SLC9C2: variants seen among roughly 807,000 people sequenced by gnomAD.
SLC9C2 encodes solute carrier family 9 member C2 (putative).
A neutral mutation model predicts 140.2 loss-of-function variants in SLC9C2; 75 were observed. The observed-to-expected ratio is 0.53, with a 90% confidence interval of 0.44 to 0.65. SLC9C2 has a LOEUF of 0.65. SLC9C2 is among the 30% of genes least tolerant of loss of function. The probability of loss-of-function intolerance (pLI) is 0.00; values close to 1 mark genes in which losing one functional copy is unlikely to be tolerated. For missense variants in SLC9C2, 1,074 were observed against 1,331.8 expected, an observed-to-expected ratio of 0.81 and a Z score of 3.01; for synonymous variants, 375 against 420.9, an observed-to-expected ratio of 0.89 and a Z score of 1.34.
At chr1:173,597,869 G>C in intron 4 of SLC9C2, 35 bp downstream of exon 4, 1 of 1,541,720 alleles carries the variant, frequency 6.5e-7, no homozygotes. Context: ...GCATAAGCAA[G>C]AATTGATCGT....
At chr1:173,565,450 T>C (rs1664410070) in intron 9 of SLC9C2, among the ~76,000 whole-genome samples, 1 of 152,210 alleles carries the variant, frequency 6.6e-6, no homozygotes, top group Non-Finnish European at 1.5e-5. Flanking sequence ...CCCAGCACCA[T>C]TTATTGAAGA....
chr1:173,535,188 A>G (rs1458163685), intron 15 of SLC9C2, among the ~76,000 whole-genome samples: 9 of 152,162 alleles, frequency 5.9e-5, no homozygotes, highest in Admixed American at 5.2e-4. Flanking sequence ...AAAAAGTAAA[A>G]AATATTACTA....
intron 9 of SLC9C2, among the ~76,000 whole-genome samples, chr1:173,560,724 C>T (rs1193452284): frequency 1.3e-5 from 2 of 152,174 alleles, no homozygotes; most frequent in African/African-American, 4.8e-5. Flanking sequence ...GCAGGCTTTG[C>T]ACAGAACCCC....
chr1:173,539,954 G>A (rs927292216), intron 13 of SLC9C2, among the ~76,000 whole-genome samples: 1 of 152,150 alleles, frequency 6.6e-6, no homozygotes, highest in Admixed American at 6.5e-5. Context: ...TGGCATCGCT[G>A]TTTCCCCATT....
chr1:173,549,392 G>A (rs906225994), intron 11 of SLC9C2, among the ~76,000 whole-genome samples: 4 of 152,214 alleles, frequency 2.6e-5, no homozygotes, highest in African/African-American at 9.6e-5. Context: ...GCATCTGACT[G>A]CCTGCTCCCT....
At chr1:173,501,319 C>A (rs12080769) in intron 27 of SLC9C2, among the ~76,000 whole-genome samples, 32,701 of 151,866 alleles carry the variant, frequency 0.22, 3,765 homozygotes, top group East Asian at 0.31. Flanking sequence ...ACATTAATTC[C>A]ATGAGAGTAG....
intron 4 of SLC9C2, among the ~76,000 whole-genome samples, chr1:173,595,432 T>G (rs1666390330): frequency 6.6e-6 from 1 of 152,198 alleles, no homozygotes; most frequent in Admixed American, 6.5e-5. Flanking sequence ...TAGAAGCCTA[T>G]TCAGCAAACT....
chr1:173,596,507 T>G (rs987884880), intron 4 of SLC9C2: 1 of 152,202 alleles, frequency 6.6e-6, no homozygotes, highest in Admixed American at 6.5e-5. Context: ...TTAGTGTGTA[T>G]TTCTCTAATG....
chr1:173,597,263 A>G (rs74225382), intron 4 of SLC9C2, among the ~76,000 whole-genome samples: 12,031 of 152,134 alleles, frequency 0.079, 721 homozygotes, highest in East Asian at 0.32. Context: ...CAATTTGTAA[A>G]TAACTAATGG....
Position 173,503,278 on chromosome 1 carries a change from C to A in SLC9C2, c.3359G>T (p.Arg1120Ile). The change falls in exon 27 of 28, where the codon AGA becomes ATA. Residue 1120 changes from arginine to isoleucine, a missense_variant. Arg to Ile is a moderately conservative substitution (Grantham distance 97). Transcript: ENST00000367714. ...TCAAGTTTATTACCTCATCTTTTGTCTTCCATTTATATTCTTTCCTGGTTG... is the reference window on the plus strand; with the variant it reads ...TCAAGTTTATTACCTCATCTTTTGTATTCCATTTATATTCTTTCCTGGTTG... ...FEQPGKNING[R>I]QKMS 1 of 1,613,510 alleles carries A rather than the reference C, an allele frequency of 6.2e-7. No homozygotes were observed. The highest frequency in any genetic ancestry group is 1.1e-5 in the South Asian group (1 of 90,978).
chr1:173,520,365 T>C (rs1660722723), intron 22 of SLC9C2, among the ~76,000 whole-genome samples: 1 of 152,184 alleles, frequency 6.6e-6, no homozygotes. Context: ...GCCCAGCTTA[T>C]ATTGCCTTTC....
At chr1:173,599,776 G>A (rs1666673954) in intron 3 of SLC9C2, among the ~76,000 whole-genome samples, 1 of 151,850 alleles carries the variant, frequency 6.6e-6, no homozygotes, top group Non-Finnish European at 1.5e-5. Context: ...GCTAATTTTT[G>A]TATTTTTAGT....
chr1:173,519,716 T>C (rs1660668204), intron 22 of SLC9C2, among the ~76,000 whole-genome samples: 1 of 152,188 alleles, frequency 6.6e-6, no homozygotes, highest in African/African-American at 2.4e-5. Flanking sequence ...AGAATTCTAA[T>C]GGGAGTATAG....
At chr1:173,540,757 G>A (rs1662335148) in intron 13 of SLC9C2, among the ~76,000 whole-genome samples, 1 of 152,180 alleles carries the variant, frequency 6.6e-6, no homozygotes, top group Non-Finnish European at 1.5e-5. Context: ...GACAGAGACA[G>A]GGATAAACCA....
At chr1:173,504,709 T>G (rs1279323185) in intron 26 of SLC9C2, among the ~76,000 whole-genome samples, 1 of 152,196 alleles carries the variant, frequency 6.6e-6, no homozygotes, top group African/African-American at 2.4e-5. Flanking sequence ...AAGTCTTCTC[T>G]GTATAATGCT....
At chr1:173,502,272 C>CAAAAA (rs34183286) in intron 27 of SLC9C2, among the ~76,000 whole-genome samples, 17 of 40,738 alleles carry the variant, frequency 4.2e-4, no homozygotes, top group South Asian at 1.4e-3. Flanking sequence ...GATTCCATCT[C>CAAAAA]AAAAAAAAAA....
intron 24 of SLC9C2, among the ~76,000 whole-genome samples, chr1:173,507,589 C>T (rs1659741964): frequency 6.6e-6 from 1 of 152,080 alleles, no homozygotes; most frequent in Non-Finnish European, 1.5e-5. Flanking sequence ...GGAATGTGAC[C>T]TTATTGAAAT....
chr1:173,519,877 G>A (rs1387991108), intron 22 of SLC9C2, among the ~76,000 whole-genome samples: 3 of 151,962 alleles, frequency 2.0e-5, no homozygotes, highest in South Asian at 2.1e-4. Flanking sequence ...GGCCTGGTTC[G>A]GTGGCTCACA....
In SLC9C2 at chr1:173,506,947, T is replaced by G; in HGVS notation, c.3134A>C (p.Lys1045Thr). 1 of 1,613,516 alleles carries G rather than the reference T, an allele frequency of 6.2e-7. No homozygotes were observed. Among genetic ancestry groups the G allele is most frequent in the African/African-American group, 1.3e-5 (1 of 75,006 alleles). The change falls in exon 25 of 28, where the codon AAA (lysine) becomes ACA (threonine). Residue 1045 changes from lysine (K) to threonine (T), a missense_variant. Physicochemically the swap from Lys to Thr is moderately conservative, Grantham distance 78. Coordinates refer to ENST00000367714, the MANE Select transcript of SLC9C2 (RefSeq NM_178527.4). The part of the protein sequence containing the change: ...SDMIIDNMTM[K>T]FVIIVYGSVI... ...ACTGCCATACACAATGATAACAAATTTCATGGTCATATTATCAATAATCAT... is the reference window on the plus strand; with the variant it reads ...ACTGCCATACACAATGATAACAAATGTCATGGTCATATTATCAATAATCAT...
Sources: gnomAD v4.1 joint callset for allele counts (sites outside exome capture counted in the v4.1 genomes callset) on GRCh38, gnomAD v4.1.1 for gene constraint, MANE v1.5 for transcripts, NCBI Gene and HGNC (gene_info 2026-07-23, HGNC 2026-07-21) for gene names.